The following LHFPL2 variants were observed in gnomAD, a reference collection of about 807,000 sequenced individuals.
The protein encoded by LHFPL2 is LHFPL tetraspan subfamily member 2.
In LHFPL2, 7 loss-of-function variants were observed where a neutral mutation model predicts 17.5. The ratio of observed to expected loss-of-function variants is 0.40; its 90% CI spans 0.23 to 0.75. LHFPL2 has a LOEUF of 0.75. Ranked by LOEUF, LHFPL2 falls within the 30% of genes least tolerant of loss-of-function variation. The pLI, the probability that LHFPL2 is intolerant of heterozygous loss-of-function variation, is 0.37. For missense variants in LHFPL2, 241 were observed against 294.8 expected (o/e 0.82, Z 1.34); for synonymous variants, 134 against 116.2 (o/e 1.15, Z -0.99).
At position 78,487,943 on chromosome 5, in the gene LHFPL2, C is replaced by T. The variant is rs1754304284; in HGVS notation, c.*954G>A. ...ATAGAGCTGACTACAGCATGGTCAC[C>T]AAACTGGGAGTAAAGGTCTCCCCCC... On this transcript the variant is annotated 3_prime_UTR_variant, in exon 5 of 5. Transcript: ENST00000380345. The T allele has an allele frequency of 2.0e-5, 3 of 152,176 alleles. No homozygotes were observed. Among genetic ancestry groups the T allele is most frequent in the African/African-American group, 7.2e-5 (3 of 41,454 alleles). 9.4% of individuals were successfully genotyped at this position (152,176 alleles called of 1,614,324 possible).
At chr5:78,580,225 A>C (rs1219651050) in intron 2 of LHFPL2, among the ~76,000 whole-genome samples, 1 of 151,816 alleles carries the variant, frequency 6.6e-6, no homozygotes, top group Non-Finnish European at 1.5e-5. Context: ...ATTTGAGTTC[A>C]TTGTAGATTT....
intron 4 of LHFPL2, among the ~76,000 whole-genome samples, chr5:78,493,870 T>C (rs1001150993): frequency 1.3e-5 from 2 of 152,180 alleles, no homozygotes; most frequent in Admixed American, 6.5e-5. Context: ...CAGTAACAGA[T>C]ACGAAGTTTG....
At chr5:78,551,460 G>A (rs1337175026) in intron 3 of LHFPL2, among the ~76,000 whole-genome samples, 1 of 152,234 alleles carries the variant, frequency 6.6e-6, no homozygotes, top group South Asian at 2.1e-4. Context: ...GTATCTGGGG[G>A]CCACTTCAGC....
intron 2 of LHFPL2, among the ~76,000 whole-genome samples, chr5:78,586,475 ACT>A (rs1403590792): frequency 6.6e-6 from 1 of 152,208 alleles, no homozygotes; most frequent in Non-Finnish European, 1.5e-5. Flanking sequence ...GCCCAGGCGC[ACT>A]GAGTCATCAC....
chr5:78,570,877 C>G (rs930053362), intron 2 of LHFPL2, among the ~76,000 whole-genome samples: 9 of 152,056 alleles, frequency 5.9e-5, no homozygotes, highest in Non-Finnish European at 1.3e-4. Flanking sequence ...TAAGTGCTGA[C>G]AAGCGCTTTC....
chr5:78,518,335 G>A (rs2003165), intron 3 of LHFPL2, among the ~76,000 whole-genome samples: 70,318 of 152,084 alleles, frequency 0.46, 16,962 homozygotes, highest in Non-Finnish European at 0.53. Flanking sequence ...TTGGGAGGCC[G>A]AGGCGGGCAG....
intron 2 of LHFPL2, among the ~76,000 whole-genome samples, chr5:78,604,700 T>G (rs908587180): frequency 6.6e-6 from 1 of 152,228 alleles, no homozygotes; most frequent in African/African-American, 2.4e-5. Context: ...TTCTTAATTT[T>G]TGTTATTACT....
chr5:78,534,472 C>T (rs1027123379), intron 3 of LHFPL2, among the ~76,000 whole-genome samples: 1 of 152,230 alleles, frequency 6.6e-6, no homozygotes, highest in Non-Finnish European at 1.5e-5. Flanking sequence ...TCACAGCACC[C>T]GTGTCTATGA....
intron 3 of LHFPL2, among the ~76,000 whole-genome samples, chr5:78,548,171 G>A (rs923368690): frequency 8.5e-5 from 13 of 152,248 alleles, no homozygotes; most frequent in African/African-American, 2.9e-4. Context: ...TGACTGTCAC[G>A]ATCCTTGGCT....
chr5:78,599,317 C>T (rs902450778), intron 2 of LHFPL2, among the ~76,000 whole-genome samples: 3 of 151,874 alleles, frequency 2.0e-5, no homozygotes, highest in Non-Finnish European at 4.4e-5. Context: ...CAGGGGGTTG[C>T]GGACAGAGTT....
chr5:78,584,248 G>A (rs1432711667), intron 2 of LHFPL2, among the ~76,000 whole-genome samples: 31 of 152,016 alleles, frequency 2.0e-4, no homozygotes, highest in Non-Finnish European at 4.3e-4. Context: ...GTAGCTCGGA[G>A]TAATTTGATC....
At chr5:78,608,588 CA>C (rs10609753) in intron 2 of LHFPL2, among the ~76,000 whole-genome samples, 52,423 of 138,042 alleles carry the variant, frequency 0.38, 9,773 homozygotes, top group Middle Eastern at 0.48. Flanking sequence ...ATTCTATTTG[CA>C]AAAAAAAAAA....
At position 78,547,765 on chromosome 5, in the gene LHFPL2, C is replaced by T. The variant is rs549542218; in HGVS notation, c.-186+17048G>A. On this transcript the variant is annotated intron_variant, in intron 3 of 4. Transcript: ENST00000380345. ...AGCACCAGGACTAGGAAGCAGGCCC[C>T]GCCTCCTCGGTTTAACTGCCGCTCA... Among the ~76,000 whole-genome samples the T allele has an allele frequency of 9.2e-5, 14 of 152,304 alleles. No individual in the cohort carries two copies. The South Asian group carries it at 1.2e-3, about 14-fold the overall frequency.
rs147799109 is a variant in LHFPL2, at chr5:78,630,185, T to C, written c.-245+2079A>G. On this transcript the variant is annotated intron_variant, in intron 2 of 4. Transcript: ENST00000380345. ...TTTTCCTAACATGATCAGAACTGCA[T>C]TGTAAAACAAGAGGGGGTCTGAGGA... Among the ~76,000 whole-genome samples the C allele has an allele frequency of 2.0e-4, 31 of 152,292 alleles. No individual in the cohort carries two copies. In the East Asian group the frequency reaches 4.6e-3, roughly 23 times the overall value.
At chr5:78,638,784 G>C (rs1745558417) in intron 1 of LHFPL2, among the ~76,000 whole-genome samples, 1 of 152,200 alleles carries the variant, frequency 6.6e-6, no homozygotes, top group Non-Finnish European at 1.5e-5. Flanking sequence ...GGCCCAGAGG[G>C]AAGGCTGACA....
At chr5:78,496,548 T>C (rs2112297174) in intron 4 of LHFPL2, among the ~76,000 whole-genome samples, 1 of 152,374 alleles carries the variant, frequency 6.6e-6, no homozygotes, top group Non-Finnish European at 1.5e-5. Flanking sequence ...TCTAGCTAAG[T>C]CTGAGCCCCA....
chr5:78,513,694 A>C (rs1262954045), intron 3 of LHFPL2, among the ~76,000 whole-genome samples: 3 of 152,296 alleles, frequency 2.0e-5, no homozygotes, highest in Non-Finnish European at 2.9e-5. Flanking sequence ...GTAGTGAATA[A>C]GTCTCACAAG....
chr5:78,591,385 C>T (rs1743622054), intron 2 of LHFPL2, among the ~76,000 whole-genome samples: 1 of 152,174 alleles, frequency 6.6e-6, no homozygotes, highest in Non-Finnish European at 1.5e-5. Context: ...TTTTCCTCAT[C>T]AAATTAATGA....
chr5:78,510,703 G>C (rs778307217), intron 3 of LHFPL2, among the ~76,000 whole-genome samples: 1 of 152,248 alleles, frequency 6.6e-6, no homozygotes, highest in Non-Finnish European at 1.5e-5. Flanking sequence ...TGCACTTTTA[G>C]GACAGGGCTC....
Sources: gnomAD v4.1 joint callset for allele counts (sites outside exome capture counted in the v4.1 genomes callset) on GRCh38, gnomAD v4.1.1 for gene constraint, MANE v1.5 for transcripts, NCBI Gene and HGNC (gene_info 2026-07-23, HGNC 2026-07-21) for gene names.